The following MAGI2 variants were observed in gnomAD, a reference collection of about 807,000 sequenced individuals.
MAGI2 encodes the protein membrane-associated guanylate kinase, WW and PDZ domain-containing protein 2.
In MAGI2, 35 loss-of-function variants were observed where a neutral mutation model predicts 133.3. That is an observed-to-expected ratio of 0.26 (90% CI 0.20 to 0.35). The LOEUF (loss-of-function observed/expected upper bound fraction) is 0.35, where lower values mean the gene tolerates loss of function less well. Among genes scored for constraint, MAGI2 ranks in the 10% least tolerant of loss-of-function variants. MAGI2 has a pLI of 1.00. For synonymous variants in MAGI2, 729 were observed against 710.6 expected (o/e 1.03, Z -0.41); for missense variants, 1,636 against 1,863.4 (o/e 0.88, Z 2.25).
At chr7:79,239,468 T>C (rs1832210379) in intron 1 of MAGI2, among the ~76,000 whole-genome samples, 1 of 152,240 alleles carries the variant, frequency 6.6e-6, no homozygotes, top group Non-Finnish European at 1.5e-5. Flanking sequence ...TTTTCATTCA[T>C]TTATCAAAAC....
chr7:78,810,965 T>C (rs1168887420), intron 2 of MAGI2, among the ~76,000 whole-genome samples: 1 of 152,106 alleles, frequency 6.6e-6, no homozygotes, highest in Non-Finnish European at 1.5e-5. Context: ...TGGCAACTTT[T>C]AAACAAACTT....
intron 2 of MAGI2, among the ~76,000 whole-genome samples, chr7:78,971,937 C>T (rs932492525): frequency 1.3e-5 from 2 of 151,836 alleles, no homozygotes; most frequent in Admixed American, 6.6e-5. Context: ...ATTCCTAGTA[C>T]ATTTTAAGAG....
intron 2 of MAGI2, among the ~76,000 whole-genome samples, chr7:78,921,735 G>A (rs180758868): frequency 1.8e-3 from 268 of 151,932 alleles, no homozygotes; most frequent in Middle Eastern, 0.01. Context: ...GGGTTCAAGC[G>A]ATTCTCATGC....
chr7:78,179,621 C>T (rs539633315), intron 13 of MAGI2, among the ~76,000 whole-genome samples: 15 of 152,314 alleles, frequency 9.8e-5, no homozygotes, highest in Non-Finnish European at 2.1e-4. Context: ...AGCATTCATA[C>T]CCTTTTATGA....
chr7:79,039,902 T>C (rs1457483790), intron 1 of MAGI2, among the ~76,000 whole-genome samples: 3 of 148,342 alleles, frequency 2.0e-5, no homozygotes, highest in South Asian at 4.2e-4. Flanking sequence ...CAATGAAATA[T>C]TATTCAGCCA....
At position 78,501,718 on chromosome 7, in the gene MAGI2, G is replaced by C. The variant is rs373145591; in HGVS notation, c.824C>G (p.Pro275Arg). ...GEMPSQPYPA[P>R]VYSQPEELKE... is the part of the protein sequence containing the mutation. Reference sequence around the variant, plus strand: ...CAGCTCCTCAGGCTGACTGTACACTGGTGCAGGATAAGGCTGGGAGGGCAT... The same window carrying C: ...CAGCTCCTCAGGCTGACTGTACACTCGTGCAGGATAAGGCTGGGAGGGCAT... The change falls in exon 5 of 22, where the codon CCA (proline) becomes CGA (arginine). Residue 275 changes from proline to arginine, a missense_variant. By Grantham distance (103) the Pro-to-Arg change is moderately radical. Coordinates refer to ENST00000354212, the MANE Select transcript of MAGI2 (RefSeq NM_012301.4). The C allele has an allele frequency of 2.5e-6, 4 of 1,613,900 alleles. No homozygotes were observed. Among genetic ancestry groups the C allele is most frequent in the Non-Finnish European group, 3.4e-6 (4 of 1,179,998 alleles).
chr7:78,323,225 T>A (rs527993542), intron 9 of MAGI2, among the ~76,000 whole-genome samples: 33 of 152,326 alleles, frequency 2.2e-4, no homozygotes, highest in Non-Finnish European at 4.6e-4. Flanking sequence ...ATCAACAGAC[T>A]ATAATGCAAT....
chr7:79,123,281 T>C (rs1175862774), intron 1 of MAGI2, among the ~76,000 whole-genome samples: 1 of 152,168 alleles, frequency 6.6e-6, no homozygotes, highest in East Asian at 1.9e-4. Context: ...ATAAACAGCT[T>C]CTCTTTTTCT....
chr7:79,185,684 A>G (rs1827024079), intron 1 of MAGI2, among the ~76,000 whole-genome samples: 1 of 151,824 alleles, frequency 6.6e-6, no homozygotes, highest in African/African-American at 2.4e-5. Context: ...CATGATGAAT[A>G]TAACAGGTAA....
chr7:78,019,999 T>G, intron 21 of MAGI2, 23 bp from the exon 22 acceptor site: 1 of 1,578,422 alleles, frequency 6.3e-7, no homozygotes, highest in Non-Finnish European at 8.6e-7. Flanking sequence ...AGCACAGGCG[T>G]TAGCAGTGGC....
chr7:79,305,819 G>T (rs1837742389), intron 1 of MAGI2, among the ~76,000 whole-genome samples: 1 of 151,958 alleles, frequency 6.6e-6, no homozygotes, highest in Admixed American at 6.6e-5. Context: ...TGCTTGGGAG[G>T]CTAACACAGA....
chr7:79,176,832 C>T (rs1826136930), intron 1 of MAGI2: 1 of 151,750 alleles, frequency 6.6e-6, no homozygotes, highest in Non-Finnish European at 1.5e-5. Context: ...AGTAAAATGA[C>T]ACACTCAATG....
chr7:78,547,049 T>C (rs1276078109), intron 3 of MAGI2, among the ~76,000 whole-genome samples: 1 of 152,208 alleles, frequency 6.6e-6, no homozygotes, highest in African/African-American at 2.4e-5. Flanking sequence ...TATGGCTTCC[T>C]AGAAACTGCA....
At chr7:79,425,651 C>T (rs190664637) in intron 1 of MAGI2, among the ~76,000 whole-genome samples, 157 of 151,066 alleles carry the variant, frequency 1.0e-3, no homozygotes, top group Non-Finnish European at 1.7e-3. Context: ...TTGTCTGAGT[C>T]TCAGTTCTGT....
intron 9 of MAGI2, among the ~76,000 whole-genome samples, chr7:78,272,454 G>A (rs543600216): frequency 6.6e-6 from 1 of 152,256 alleles, no homozygotes. Context: ...TGTCTATTAG[G>A]TCTGCTTGGT....
rs77497957 is a variant in MAGI2 at position 79,197,966 on chromosome 7, G to A, written c.302-190760C>T. ...CAAACATTAAAACCATAGCAAGAGG[G>A]CTGGGGGTGGTGTCTCAATCCTGTA... On this transcript the variant is annotated intron_variant, in intron 1 of 21. Coordinates refer to ENST00000354212, the MANE Select transcript of MAGI2 (RefSeq NM_012301.4). Among the ~76,000 whole-genome samples, 217 of 152,030 alleles carry A rather than the reference G, an allele frequency of 1.4e-3. 3 individuals carry two copies. Among genetic ancestry groups the A allele is most frequent in the African/African-American group, 5.1e-3 (210 of 41,366 alleles).
chr7:78,134,882 A>AATAATCAACC (rs1353161838), intron 17 of MAGI2, 139 bp downstream of exon 17: 1 of 686,738 alleles, frequency 1.5e-6, no homozygotes, highest in African/African-American at 1.8e-5. Flanking sequence ...AAGTGGAAAT[A>AATAATCAACC]ATAATCAACC....
At chr7:79,182,692 A>G (rs1826727574) in intron 1 of MAGI2, among the ~76,000 whole-genome samples, 1 of 152,018 alleles carries the variant, frequency 6.6e-6, no homozygotes, top group South Asian at 2.1e-4. Context: ...AGTACGTCCA[A>G]AGAAAAAGAA....
chr7:78,941,728 T>TCTCA (rs1307777961), intron 2 of MAGI2, among the ~76,000 whole-genome samples: 2 of 123,462 alleles, frequency 1.6e-5, no homozygotes, highest in African/African-American at 5.9e-5. Context: ...GCCTATTTCA[T>TCTCA]CACACACACA....
Sources: allele counts gnomAD v4.1 joint callset (sites outside exome capture counted in the v4.1 genomes callset), GRCh38; gene constraint gnomAD v4.1.1; transcripts MANE v1.5; gene names NCBI Gene and HGNC (gene_info 2026-07-23, HGNC 2026-07-21).